FYB2: variants seen among roughly 807,000 people sequenced by gnomAD.
FYB2 encodes the protein FYN binding protein 2.
FYB2 carries 103 observed loss-of-function variants against 94.1 expected under a neutral mutation model. The ratio of observed to expected loss-of-function variants is 1.09; its 90% CI spans 0.93 to 1.29. FYB2 has a LOEUF of 1.29. Among genes scored for constraint, FYB2 ranks in the 50% most tolerant of loss-of-function variants. FYB2 has a pLI of 0.00. For missense variants in FYB2, 896 were observed against 841.5 expected (o/e 1.06, Z -0.80); for synonymous variants, 293 against 287.9 (o/e 1.02, Z -0.18).
intron 9 of FYB2, among the ~76,000 whole-genome samples, chr1:56,750,677 T>C (rs903624084): frequency 1.3e-5 from 2 of 151,766 alleles, no homozygotes; most frequent in Non-Finnish European, 2.9e-5. Flanking sequence ...AGTATATATA[T>C]AAAAAAAAGA....
intron 8 of FYB2, among the ~76,000 whole-genome samples, chr1:56,753,520 A>C (rs2100705184): frequency 6.6e-6 from 1 of 152,210 alleles, no homozygotes; most frequent in Non-Finnish European, 1.5e-5. Flanking sequence ...ACGTTTAAGG[A>C]AACTCTCACT....
At chr1:56,723,938 T>C (rs1644536212) in intron 16 of FYB2, among the ~76,000 whole-genome samples, 1 of 152,084 alleles carries the variant, frequency 6.6e-6, no homozygotes, top group Admixed American at 6.6e-5. Context: ...TAATGTCAAT[T>C]GCTTTTCGCT....
intron 4 of FYB2, among the ~76,000 whole-genome samples, chr1:56,771,249 A>C (rs1645747374): frequency 6.6e-6 from 1 of 152,182 alleles, no homozygotes; most frequent in African/African-American, 2.4e-5. Flanking sequence ...GCATAAACAA[A>C]TTGGGATGTG....
chr1:56,790,851 GTTT>G (rs1053447837), intron 2 of FYB2, among the ~76,000 whole-genome samples: 1 of 152,048 alleles, frequency 6.6e-6, no homozygotes, highest in Non-Finnish European at 1.5e-5. Context: ...ACCTCGGAAA[GTTT>G]TTTTTGAACT....
chr1:56,798,858 G>A (rs1359586525), intron 1 of FYB2, among the ~76,000 whole-genome samples: 1 of 152,078 alleles, frequency 6.6e-6, no homozygotes, highest in East Asian at 1.9e-4. Flanking sequence ...ATACAACCTG[G>A]CTTTGAGTCC....
chr1:56,761,071 G>A (rs958235934), intron 5 of FYB2, among the ~76,000 whole-genome samples: 14 of 152,148 alleles, frequency 9.2e-5, no homozygotes, highest in African/African-American at 3.4e-4. Context: ...TCTGAAGATG[G>A]TCCTCAGCAA....
chr1:56,726,431 A>G, intron 16 of FYB2, 66 bp downstream of exon 16: 1 of 1,432,028 alleles, frequency 7.0e-7, no homozygotes, highest in Non-Finnish European at 9.6e-7. Flanking sequence ...ATCTGAGGCC[A>G]CACAGCTAGT....
chr1:56,826,616 T>C, the FYB2 span: 9 of 152,318 alleles, frequency 5.9e-5, no homozygotes, highest in Admixed American at 4.6e-4. Context: ...TGCCCCTGCA[T>C]TGAGCCTTCT....
intron 3 of FYB2, 98 bp downstream of exon 3, chr1:56,788,875 T>G (rs1395352186): frequency 6.7e-7 from 1 of 1,497,768 alleles, no homozygotes; most frequent in Admixed American, 1.7e-5. Flanking sequence ...ATGTCCAGCC[T>G]CATGGAAAAG....
chr1:56,802,220 A>T (rs1328647097), intron 1 of FYB2, among the ~76,000 whole-genome samples: 4 of 152,102 alleles, frequency 2.6e-5, no homozygotes, highest in African/African-American at 9.7e-5. Flanking sequence ...ATTCTATCTT[A>T]TCATAACTAC....
intron 15 of FYB2, among the ~76,000 whole-genome samples, chr1:56,736,306 T>C (rs1287320738): frequency 6.6e-6 from 1 of 151,912 alleles, no homozygotes; most frequent in Non-Finnish European, 1.5e-5. Context: ...CTAATTGCAG[T>C]GAGCAAGGAA....
intron 4 of FYB2, among the ~76,000 whole-genome samples, chr1:56,771,606 C>CTAGAGT (rs1324300306): frequency 6.6e-6 from 1 of 152,032 alleles, no homozygotes; most frequent in Non-Finnish European, 1.5e-5. Flanking sequence ...TTGAAGGGGA[C>CTAGAGT]TAGAGTTAGG....
At chr1:56,825,512 C>T in the FYB2 span, among the ~76,000 whole-genome samples, 1 of 152,108 alleles carries the variant, frequency 6.6e-6, no homozygotes, top group Non-Finnish European at 1.5e-5. Flanking sequence ...CTAGGTTAGG[C>T]CAAGATACAC....
At chr1:56,823,457 A>G (rs1647004842), upstream of FYB2, among the ~76,000 whole-genome samples, 1 of 152,222 alleles carries the variant, frequency 6.6e-6, no homozygotes, top group Non-Finnish European at 1.5e-5. Flanking sequence ...TTTAAGGATA[A>G]AATGCCTAGA....
At chr1:56,727,480 T>C in intron 15 of FYB2, among the ~76,000 whole-genome samples, 1 of 151,986 alleles carries the variant, frequency 6.6e-6, no homozygotes, top group East Asian at 1.9e-4. Flanking sequence ...AATTATGGTA[T>C]ACACATACAA....
intron 5 of FYB2, among the ~76,000 whole-genome samples, chr1:56,766,465 G>A (rs529272482): frequency 6.6e-6 from 1 of 150,568 alleles, no homozygotes; most frequent in Non-Finnish European, 1.5e-5. Flanking sequence ...ACGGAGTCTC[G>A]CTCTGTCGCC....
intron 3 of FYB2, 128 bp downstream of exon 3, chr1:56,788,838 CCTCTAGA>C: frequency 7.8e-7 from 1 of 1,275,430 alleles, no homozygotes; most frequent in Non-Finnish European, 1.1e-6. Flanking sequence ...GCTGCCACAG[CCTCTAGA>C]TGAGAATAAG....
In FYB2 at chr1:56,742,185, G is replaced by C; in HGVS notation, c.1580C>G (p.Thr527Arg). The C allele has an allele frequency of 6.2e-7, 1 of 1,605,804 alleles. No individual in the cohort carries two copies. Among genetic ancestry groups the C allele is most frequent in the South Asian group, 1.1e-5 (1 of 90,452 alleles). ...NRELYEDVYKTKNNYPKIDLD... is the reference protein window; with the variant it reads ...NRELYEDVYKRKNNYPKIDLD... ...CTCTATCTTTGGGTAGTTGTTCTTT[G>C]TTTTGTAGACATCTTCATACAGTTC... Residue 527 changes from threonine to arginine, a missense_variant, in exon 12 of 20, where the codon ACA (threonine) becomes AGA (arginine). Thr to Arg is a moderately conservative substitution (Grantham distance 71). Coordinates refer to ENST00000343433, the MANE Select transcript of FYB2 (RefSeq NM_001004303.5).
upstream of FYB2, among the ~76,000 whole-genome samples, chr1:56,821,005 C>G (rs928265278): frequency 6.6e-6 from 1 of 151,866 alleles, no homozygotes; most frequent in Non-Finnish European, 1.5e-5. Flanking sequence ...AGACTCTGCT[C>G]CCAGTCAGTT....
Sources: gnomAD v4.1 joint callset for allele counts (sites outside exome capture counted in the v4.1 genomes callset) on GRCh38, gnomAD v4.1.1 for gene constraint, MANE v1.5 for transcripts, NCBI Gene and HGNC (gene_info 2026-07-23, HGNC 2026-07-21) for gene names.